ZNF69: variants seen among roughly 807,000 people sequenced by gnomAD.
ZNF69 encodes the protein ZNF3.
ZNF69 carries 47 observed loss-of-function variants against 50.9 expected under a neutral mutation model. The observed-to-expected ratio is 0.92, with a 90% confidence interval of 0.73 to 1.18. The LOEUF (loss-of-function observed/expected upper bound fraction) is 1.18, where lower values mean the gene tolerates loss of function less well. ZNF69 is among the 50% of genes most tolerant of loss of function. The probability of loss-of-function intolerance (pLI) is 0.00; values close to 1 mark genes in which losing one functional copy is unlikely to be tolerated. For synonymous variants in ZNF69, 216 were observed against 223.1 expected (o/e 0.97, Z 0.29); for missense variants, 717 against 675.1 (o/e 1.06, Z -0.69).
the ZNF69 span, among the ~76,000 whole-genome samples, chr19:11,964,792 T>C: frequency 2.0e-5 from 3 of 152,206 alleles, no homozygotes; most frequent in Non-Finnish European, 4.4e-5. Context: ...AAGACGCTAG[T>C]GTTCTCTTAT....
At chr19:11,951,579 C>T in the ZNF69 span, among the ~76,000 whole-genome samples, 1 of 152,050 alleles carries the variant, frequency 6.6e-6, no homozygotes, top group Admixed American at 6.6e-5. Flanking sequence ...TCTCATATAC[C>T]TCTGAGTGCC....
At chr19:11,974,445 C>T in the ZNF69 span, among the ~76,000 whole-genome samples, 1 of 151,888 alleles carries the variant, frequency 6.6e-6, no homozygotes, top group African/African-American at 2.4e-5. Flanking sequence ...GATCCACCCG[C>T]CTTGGCCTCC....
chr19:11,972,669 A>G, the ZNF69 span, among the ~76,000 whole-genome samples: 3 of 152,222 alleles, frequency 2.0e-5, no homozygotes, highest in Admixed American at 2.0e-4. Context: ...ACATGGAATG[A>G]TAGTTAATTC....
chr19:11,898,424 T>C (rs1267085036), intron 1 of ZNF69, among the ~76,000 whole-genome samples: 1 of 136,152 alleles, frequency 7.3e-6, no homozygotes, highest in Non-Finnish European at 1.5e-5. Flanking sequence ...AGAATCTCGC[T>C]CTGTTGCCCA....
At chr19:11,952,914 A>G in the ZNF69 span, 1 of 152,158 alleles carries the variant, frequency 6.6e-6, no homozygotes, top group East Asian at 1.9e-4. Context: ...TCTCTACTAA[A>G]AATACAAAAA....
chr19:11,925,095 G>A, the ZNF69 span: 2 of 1,192,666 alleles, frequency 1.7e-6, no homozygotes, highest in African/African-American at 1.5e-5. Flanking sequence ...CGGAAATGGA[G>A]GGGGTCGCTT....
At chr19:11,889,871 G>A (rs921567621) in intron 1 of ZNF69, among the ~76,000 whole-genome samples, 4 of 152,182 alleles carry the variant, frequency 2.6e-5, no homozygotes, top group African/African-American at 9.7e-5. Context: ...AAGGTCAGCA[G>A]GGAATCATGT....
At chr19:11,972,841 T>C in the ZNF69 span, among the ~76,000 whole-genome samples, 11 of 151,850 alleles carry the variant, frequency 7.2e-5, no homozygotes, top group African/African-American at 2.4e-4. Context: ...CCTGTAATCC[T>C]ACCACTTAGG....
At chr19:11,954,820 TA>T in the ZNF69 span, among the ~76,000 whole-genome samples, 2 of 151,884 alleles carry the variant, frequency 1.3e-5, no homozygotes, top group Non-Finnish European at 2.9e-5. Context: ...GGGCCTTTGT[TA>T]AAAAACAAAA....
chr19:11,947,049 G>A, the ZNF69 span: 1 of 1,396,324 alleles, frequency 7.2e-7, no homozygotes, highest in Non-Finnish European at 9.6e-7. Flanking sequence ...TGGAGAGAAA[G>A]GGATCTGATA....
intron 1 of ZNF69, among the ~76,000 whole-genome samples, chr19:11,901,190 T>A (rs1972236186): frequency 6.6e-6 from 1 of 152,196 alleles, no homozygotes; most frequent in East Asian, 1.9e-4. Context: ...GCATTTTTAG[T>A]ACATGTCTTT....
chr19:11,938,481 G>A, the ZNF69 span, among the ~76,000 whole-genome samples: 7 of 152,092 alleles, frequency 4.6e-5, no homozygotes, highest in Admixed American at 1.3e-4. Context: ...GAGAATATGC[G>A]GTGTTTGGTT....
intron 1 of ZNF69, among the ~76,000 whole-genome samples, chr19:11,901,141 A>C (rs763309298): frequency 3.7e-4 from 56 of 151,922 alleles, no homozygotes; most frequent in Non-Finnish European, 7.4e-4. Context: ...TCTTGAACTG[A>C]GGGGCTCAAA....
At chr19:11,917,374 A>C (rs1972531344), downstream of ZNF69, among the ~76,000 whole-genome samples, 1 of 152,204 alleles carries the variant, frequency 6.6e-6, no homozygotes, top group Admixed American at 6.5e-5. Flanking sequence ...AGGGGCCAGC[A>C]GGGTGTGTGT....
At chr19:11,970,983 T>C in the ZNF69 span, among the ~76,000 whole-genome samples, 2 of 152,156 alleles carry the variant, frequency 1.3e-5, no homozygotes, top group African/African-American at 2.4e-5. Flanking sequence ...CACAATTTGC[T>C]GTTTTCCATT....
the ZNF69 span, among the ~76,000 whole-genome samples, chr19:11,928,510 A>ATGGCTTGATC: frequency 6.6e-6 from 1 of 151,572 alleles, no homozygotes; most frequent in African/African-American, 2.4e-5. Context: ...AGGCGGGCGG[A>ATGGCTTGATC]TCACGAGGTC....
the ZNF69 span, among the ~76,000 whole-genome samples, chr19:11,951,150 C>CAA: frequency 0.032 from 2,070 of 64,990 alleles, 75 homozygotes; most frequent in African/African-American, 0.078. Flanking sequence ...ACTCCATCTC[C>CAA]AAAAAAAAAA....
the ZNF69 span, chr19:11,978,325 A>C: frequency 3.7e-6 from 6 of 1,614,232 alleles, no homozygotes; most frequent in Non-Finnish European, 5.1e-6. Flanking sequence ...CACAAGGCAT[A>C]CGAGTATCAG....
At chr19:11,901,804 T>C (rs1368610148) in intron 1 of ZNF69, among the ~76,000 whole-genome samples, 1 of 151,996 alleles carries the variant, frequency 6.6e-6, no homozygotes, top group Non-Finnish European at 1.5e-5. Flanking sequence ...TTTGTTATCA[T>C]TACTTATCTT....
Sources: allele counts gnomAD v4.1 joint callset (sites outside exome capture counted in the v4.1 genomes callset), GRCh38; gene constraint gnomAD v4.1.1; transcripts MANE v1.5; gene names NCBI Gene and HGNC (gene_info 2026-07-23, HGNC 2026-07-21).